SEC16B: variants seen among roughly 807,000 people sequenced by gnomAD.
SEC16B encodes SEC16 homolog B, endoplasmic reticulum export factor, also known as protein transport protein Sec16B.
A neutral mutation model predicts 141.8 loss-of-function variants in SEC16B; 115 were observed. The ratio of observed to expected loss-of-function variants is 0.81; its 90% CI spans 0.70 to 0.95. SEC16B has a LOEUF of 0.95. SEC16B is among the 40% of genes least tolerant of loss of function. The pLI is 0.00. For missense variants in SEC16B, 1,291 were observed against 1,312.3 expected (o/e 0.98, Z 0.25); for synonymous variants, 493 against 492.5 (o/e 1.00, Z -0.01).
In SEC16B at chr1:177,937,380, C is replaced by A. The variant is rs752130602; in HGVS notation, c.2337G>T (p.Gln779His). ...CCCCTCCTGCTGGGTAGGAGCCCGG[C>A]TGGAGGGGAAAGGGCTGCTGTGGGC... ...QPSPQQPFPL[Q>H]PGSYPAGGGA... Residue 779 changes from glutamine (Q) to histidine (H), a missense_variant, in exon 19 of 26, where the codon CAG becomes CAT. Around this residue, in one of 3 missense-constraint regions of SEC16B, gnomAD observed 605 missense variants for 614.1 expected, o/e 0.99. Transcript: ENST00000308284. The A allele has an allele frequency of 1.9e-6, 3 of 1,612,748 alleles. No individual in the cohort carries two copies. The highest frequency in any genetic ancestry group is 2.5e-6 in the Non-Finnish European group (3 of 1,179,448).
rs1475828268 is a variant in SEC16B at position 177,960,994 on chromosome 1, T to G, written c.788-55A>C. On this transcript the variant is annotated intron_variant, in intron 6 of 25. Transcript: ENST00000308284. Reference sequence around the variant, plus strand: ...GTTAGCGTTACTTCCATCACTTTTCTTTAGTTTAGGAATATGCCACAGATG... The same window carrying G: ...GTTAGCGTTACTTCCATCACTTTTCGTTAGTTTAGGAATATGCCACAGATG... The G allele has an allele frequency of 4.4e-6, 7 of 1,593,466 alleles. No homozygotes were observed. The East Asian group carries it at 1.6e-4, about 36-fold the overall frequency.
chr1:177,932,658 G>A (rs757804751), intron 23 of SEC16B, 40 bp downstream of exon 23: 1 of 1,527,126 alleles, frequency 6.5e-7, no homozygotes, highest in South Asian at 1.3e-5. Flanking sequence ...GGAGTGCTGA[G>A]GGGACCACCC....
intron 13 of SEC16B, 103 bp downstream of exon 13, chr1:177,947,722 G>C: frequency 1.6e-6 from 1 of 610,908 alleles, no homozygotes; most frequent in Non-Finnish European, 3.0e-6. Flanking sequence ...AGGGAGGGGA[G>C]GTGAGGAGAG....
At chr1:177,982,673 T>C in intron 1 of SEC16B, among the ~76,000 whole-genome samples, 1 of 152,206 alleles carries the variant, frequency 6.6e-6, no homozygotes, top group East Asian at 1.9e-4. Flanking sequence ...TGGCCACCAA[T>C]GGTGGGTATT....
chr1:177,941,177 C>G (rs1277325757), intron 16 of SEC16B, among the ~76,000 whole-genome samples: 2 of 152,140 alleles, frequency 1.3e-5, no homozygotes, highest in African/African-American at 4.8e-5. Flanking sequence ...GGATTTATTC[C>G]ATAAACAAGT....
chr1:177,956,129 T>A (rs968579823), intron 10 of SEC16B, among the ~76,000 whole-genome samples: 4 of 151,992 alleles, frequency 2.6e-5, no homozygotes, highest in South Asian at 2.1e-4. Context: ...TGGAAAAAAT[T>A]TTTTTTTAAT....
chr1:177,984,187 G>A (rs1304667389), intron 1 of SEC16B: 1 of 152,198 alleles, frequency 6.6e-6, no homozygotes, highest in African/African-American at 2.4e-5. Flanking sequence ...ATTGGTTAAT[G>A]GTGAAAATAA....
intron 15 of SEC16B, among the ~76,000 whole-genome samples, chr1:177,943,167 G>A (rs1053393039): frequency 2.0e-5 from 3 of 152,154 alleles, no homozygotes; most frequent in African/African-American, 7.2e-5. Flanking sequence ...TAACTGACAG[G>A]TGGGATGAAT....
chr1:177,954,943 TCA>T (rs1652483516), intron 10 of SEC16B, among the ~76,000 whole-genome samples: 1 of 152,002 alleles, frequency 6.6e-6, no homozygotes, highest in Non-Finnish European at 1.5e-5. Flanking sequence ...TAAAAATGAA[TCA>T]CAAAAGTACT....
chr1:177,940,795 G>A (rs774147028), intron 16 of SEC16B, 81 bp from the exon 17 acceptor site: 60 of 875,986 alleles, frequency 6.8e-5, no homozygotes, highest in African/African-American at 5.5e-4. Context: ...GAAAGACAAC[G>A]GGGAAGAGAA....
intron 20 of SEC16B, 22 bp downstream of exon 20, chr1:177,936,276 C>A: frequency 1.3e-6 from 2 of 1,598,834 alleles, no homozygotes; most frequent in Non-Finnish European, 1.7e-6. Context: ...GCAGTGGCAT[C>A]TTTTATGCTG....
chr1:177,947,818 C>T lies in SEC16B; in HGVS notation c.1663+7G>A, dbSNP rs1031041489. The T allele has an allele frequency of 2.1e-6, 3 of 1,435,868 alleles. No individual in the cohort carries two copies. Among genetic ancestry groups the T allele is most frequent in the African/African-American group, 1.7e-5 (1 of 57,892 alleles). 88.9% of individuals were successfully genotyped at this position (1,435,868 alleles called of 1,614,324 possible). ...GGGAGCGGAGGGGAAATGCTGGTGTCGCTTACCCAGGGTGTCCCCAATGGC... is the reference window on the plus strand; with the variant it reads ...GGGAGCGGAGGGGAAATGCTGGTGTTGCTTACCCAGGGTGTCCCCAATGGC... On this transcript the variant is annotated splice_region_variant and intron_variant, in intron 13 of 25. Transcript: ENST00000308284.
upstream of SEC16B, among the ~76,000 whole-genome samples, chr1:177,970,474 T>C (rs914283076): frequency 7.2e-5 from 11 of 152,216 alleles, no homozygotes; most frequent in African/African-American, 2.7e-4. Context: ...CAGATCAATA[T>C]TATCTTTTCC....
Position 177,954,280 on chromosome 1 carries a change from C to T in SEC16B, c.1462G>A (p.Gly488Ser). 1 of 1,561,670 alleles carries T rather than the reference C, an allele frequency of 6.4e-7. No individual in the cohort carries two copies. The change falls in exon 11 of 26, where the codon GGC (glycine) becomes AGC (serine). Residue 488 changes from glycine to serine, a missense_variant and splice_region_variant. This residue lies in a region of SEC16B where 681 missense variants were observed against 675.5 expected (regional missense o/e 1.01). Coordinates refer to ENST00000308284, the MANE Select transcript of SEC16B (RefSeq NM_033127.4). ...CTCTTTTGTTAAGTCCTGACTCACC[C>T]ACTCATGACCCAGCTGTAGGTCTGT... Reference protein sequence around the residue: ...DPQTYSWVMSGFTSTLALNDP... With the variant: ...DPQTYSWVMSSFTSTLALNDP...
chr1:177,944,578 A>C lies in SEC16B; in HGVS notation c.1864T>G (p.Phe622Val). The C allele has an allele frequency of 6.2e-7, 1 of 1,613,642 alleles. No individual in the cohort carries two copies. The highest frequency in any genetic ancestry group is 8.5e-7 in the Non-Finnish European group (1 of 1,179,672). ...YCQMLGRPKS[F>V]IPSFQVYKLL... is the part of the protein sequence containing the mutation. ...TCAGTTACCTGGAAAGAAGGGATGAAGGATTTGGGGCGGCCCAGCATCTGA... is the reference window on the plus strand; with the variant it reads ...TCAGTTACCTGGAAAGAAGGGATGACGGATTTGGGGCGGCCCAGCATCTGA... Residue 622 changes from phenylalanine to valine, a missense_variant, in exon 15 of 26, where the codon TTC (phenylalanine) becomes GTC (valine). Coordinates refer to ENST00000308284, the MANE Select transcript of SEC16B (RefSeq NM_033127.4).
intron 10 of SEC16B, among the ~76,000 whole-genome samples, chr1:177,955,624 G>A (rs964313538): frequency 6.6e-6 from 1 of 151,744 alleles, no homozygotes; most frequent in African/African-American, 2.4e-5. Context: ...TTACAGGCGT[G>A]AGCCACCACG....
In SEC16B at chr1:177,929,786, G is replaced by T. The variant is rs755618521; in HGVS notation, c.*72C>A. On this transcript the variant is annotated 3_prime_UTR_variant, in exon 26 of 26. Transcript: ENST00000308284. ...GAGGGTCCCAATATGGTAGAGAGGG[G>T]CTGGGAGATTGAGAAAAAGAGAGCA... 3.9e-5 allele frequency: 59 copies of T among 1,526,882 alleles called. No individual in the cohort carries two copies. Among genetic ancestry groups the T allele is most frequent in the Admixed American group, 1.1e-4 (6 of 54,972 alleles). The allele number at this position is 1,526,882 out of a possible 1,614,324, so 94.6% of individuals were successfully genotyped here. A position where few individuals can be genotyped will look rare whatever the true frequency, so the allele number is the denominator to read the frequency against.
chr1:177,937,299 T>C lies in SEC16B; in HGVS notation c.2418A>G (p.Leu806=), dbSNP rs1343955413. 2 of 1,613,750 alleles carry C rather than the reference T, an allele frequency of 1.2e-6. No homozygotes were observed. The highest frequency in any genetic ancestry group is 1.3e-5 in the African/African-American group (1 of 74,922). Residue 806 remains leucine (L), a synonymous_variant, in exon 19 of 26, where the codon CTA becomes CTG. Transcript: ENST00000308284. ...RPFYSVPETH[L]PGTGSSVAVT... ...CTGCCACGCTGCTGCCAGTCCCTGG[T>C]AGATGGGTCTCAGGAACTGAGTAAA...
intron 16 of SEC16B, among the ~76,000 whole-genome samples, chr1:177,941,036 A>T (rs561438486): frequency 8.1e-4 from 124 of 152,364 alleles, no homozygotes; most frequent in African/African-American, 2.9e-3. Flanking sequence ...GGGTATACAT[A>T]GGAATTTTGT....
Sources: allele counts gnomAD v4.1 joint callset (sites outside exome capture counted in the v4.1 genomes callset), GRCh38; gene constraint gnomAD v4.1.1; regional missense constraint gnomAD v4.1.1; transcripts MANE v1.5; gene names NCBI Gene and HGNC (gene_info 2026-07-23, HGNC 2026-07-21).